The following NAV2 variants were observed in gnomAD, a reference collection of about 807,000 sequenced individuals.
NAV2 encodes neuron navigator 2.
A neutral mutation model predicts 223.2 loss-of-function variants in NAV2; 54 were observed. That is an observed-to-expected ratio of 0.24 (90% CI 0.19 to 0.30). The LOEUF is 0.30. NAV2 is among the 10% of genes least tolerant of loss of function. The probability of loss-of-function intolerance (pLI) is 1.00; values close to 1 mark genes in which losing one functional copy is unlikely to be tolerated. For synonymous variants in NAV2, 1,279 were observed against 1,239.3 expected (o/e 1.03, Z -0.67); for missense variants, 2,806 against 3,147.5 (o/e 0.89, Z 2.60).
intron 1 of NAV2, among the ~76,000 whole-genome samples, chr11:19,762,048 G>A (rs968241171): frequency 6.6e-5 from 10 of 152,160 alleles, no homozygotes; most frequent in Non-Finnish European, 1.5e-4. Flanking sequence ...TTCAAGACTA[G>A]CCTGGCTAAC....
intron 10 of NAV2, among the ~76,000 whole-genome samples, chr11:19,949,944 T>C (rs2047248549): frequency 6.6e-6 from 1 of 152,124 alleles, no homozygotes; most frequent in Non-Finnish European, 1.5e-5. Flanking sequence ...AGGGGAGTGA[T>C]GAGATGATGT....
chr11:20,012,495 A>G (rs992646144), intron 11 of NAV2, among the ~76,000 whole-genome samples: 4 of 151,528 alleles, frequency 2.6e-5, no homozygotes, highest in African/African-American at 9.7e-5. Context: ...GCCAACATGG[A>G]GAAAACCAAT....
At position 19,933,343 on chromosome 11, in the gene NAV2, C is replaced by A. The variant is rs200603596; in HGVS notation, c.1099C>A (p.His367Asn). The A allele has an allele frequency of 9.2e-5, 148 of 1,610,474 alleles. No homozygotes were observed. The East Asian group carries it at 3.3e-3, about 35-fold the overall frequency. ...GCGCAGCAAATCCCTCAGCGTGAAG[C>A]ACAGTGCCACGGTATCCATGCTCTC... is the stretch of plus-strand genomic sequence containing the variant. ...PWRSKSLSVK[H>N]SATVSMLSVK... is the part of the protein sequence containing the mutation. Residue 367 changes from histidine to asparagine, a missense_variant, in exon 7 of 38, where the codon CAC becomes AAC. Physicochemically the swap from His to Asn is moderately conservative, Grantham distance 68 (BLOSUM62 1). Around this residue, in one of 4 missense-constraint regions of NAV2, gnomAD observed 1,167 missense variants for 1,180.5 expected, o/e 0.99. Coordinates refer to ENST00000349880, the MANE Select transcript of NAV2 (RefSeq NM_145117.5). This position sits in a 1 kb window ranked among gnomAD's most constrained non-coding sequence, Gnocchi z 4.3.
chr11:19,604,482 C>T (rs1470698656), intron 1 of NAV2, among the ~76,000 whole-genome samples: 4 of 152,084 alleles, frequency 2.6e-5, no homozygotes, highest in African/African-American at 7.2e-5. Flanking sequence ...GGTTGGGGAA[C>T]TGCAAGAGGA....
intron 1 of NAV2, among the ~76,000 whole-genome samples, chr11:19,491,006 A>G (rs929846531): frequency 6.6e-6 from 1 of 152,194 alleles, no homozygotes; most frequent in African/African-American, 2.4e-5. Flanking sequence ...TCAATGAGCA[A>G]TAATATCTCG....
intron 1 of NAV2, among the ~76,000 whole-genome samples, chr11:19,462,583 C>T (rs762200695): frequency 5.3e-5 from 8 of 152,202 alleles, no homozygotes; most frequent in African/African-American, 9.7e-5. Context: ...TATTTCATCT[C>T]CAAGTCATAT....
At chr11:19,510,348 G>A (rs565724371) in intron 1 of NAV2, among the ~76,000 whole-genome samples, 1 of 152,304 alleles carries the variant, frequency 6.6e-6, no homozygotes, top group East Asian at 1.9e-4. Flanking sequence ...TGTGGATGCT[G>A]TCCTGAAACC....
At chr11:19,863,760 C>G (rs755355136) in intron 3 of NAV2, among the ~76,000 whole-genome samples, 6 of 152,128 alleles carry the variant, frequency 3.9e-5, no homozygotes, top group Non-Finnish European at 7.3e-5. Context: ...CTTATTTGTG[C>G]TTTCTTTATT....
At chr11:19,434,197 A>G (rs1851133121) in intron 1 of NAV2, among the ~76,000 whole-genome samples, 1 of 152,250 alleles carries the variant, frequency 6.6e-6, no homozygotes, top group Non-Finnish European at 1.5e-5. Context: ...ATGTGTCTCA[A>G]GAGATGGATA....
rs1313376048 is a variant in NAV2, at chr11:19,679,360, G to A, written c.76-153124G>A. Reference sequence around the variant, plus strand: ...GCAGGAGAATCACTTGAACCTGGGAGACGGAGGTTGCAGTGAACCGAGATT... The same window carrying A: ...GCAGGAGAATCACTTGAACCTGGGAAACGGAGGTTGCAGTGAACCGAGATT... On this transcript the variant is annotated intron_variant, in intron 1 of 37. Transcript: ENST00000360655. Among the ~76,000 whole-genome samples the A allele has an allele frequency of 2.8e-5, 4 of 143,542 alleles. No individual in the cohort carries two copies. In the Admixed American group the frequency reaches 3.3e-4, roughly 12 times the overall value. 94.2% of individuals were successfully genotyped at this position (143,542 alleles called of 152,430 possible). A position where few individuals can be genotyped will look rare whatever the true frequency, so the allele number is the denominator to read the frequency against.
At chr11:19,816,874 G>T (rs116531907) in intron 1 of NAV2, among the ~76,000 whole-genome samples, 2 of 151,996 alleles carry the variant, frequency 1.3e-5, no homozygotes, top group African/African-American at 2.4e-5. Context: ...CCCTCTTCAG[G>T]TGAAACCAGA....
intron 1 of NAV2, among the ~76,000 whole-genome samples, chr11:19,414,168 G>T (rs1245203839): frequency 6.6e-6 from 1 of 152,152 alleles, no homozygotes; most frequent in African/African-American, 2.4e-5. Context: ...GTATTCAGGA[G>T]ACCCATCTCA....
At chr11:19,693,345 AAAC>A (rs770221789) in intron 1 of NAV2, among the ~76,000 whole-genome samples, 3 of 152,216 alleles carry the variant, frequency 2.0e-5, no homozygotes, top group Non-Finnish European at 4.4e-5. Flanking sequence ...GAGGAAATAC[AAAC>A]AACAATTTTC....
At chr11:19,558,665 A>G (rs2044987808) in intron 1 of NAV2, among the ~76,000 whole-genome samples, 1 of 152,202 alleles carries the variant, frequency 6.6e-6, no homozygotes, top group Non-Finnish European at 1.5e-5. Flanking sequence ...TTTTCACTTA[A>G]CACCCTCCCT....
intron 1 of NAV2, among the ~76,000 whole-genome samples, chr11:19,603,117 A>G (rs759426525): frequency 1.3e-5 from 2 of 152,204 alleles, no homozygotes; most frequent in Non-Finnish European, 2.9e-5. Flanking sequence ...AAGGACTTCC[A>G]TGTCACGTAG....
intron 3 of NAV2, among the ~76,000 whole-genome samples, chr11:19,867,517 A>G (rs1050246425): frequency 2.0e-5 from 3 of 152,266 alleles, no homozygotes; most frequent in Non-Finnish European, 4.4e-5. Context: ...CTCCATGTGT[A>G]TAAGAAAGGA....
intron 32 of NAV2, among the ~76,000 whole-genome samples, chr11:20,102,723 C>A (rs2061726858): frequency 2.0e-5 from 3 of 152,094 alleles, no homozygotes; most frequent in African/African-American, 7.2e-5. Context: ...CATCCCTTAC[C>A]CCAGGCATGC....
At chr11:19,969,669 G>A (rs1287961128) in intron 10 of NAV2, among the ~76,000 whole-genome samples, 1 of 152,062 alleles carries the variant, frequency 6.6e-6, no homozygotes, top group African/African-American at 2.4e-5. Context: ...TTGGCTGGGC[G>A]CAGTGGCTCA....
chr11:19,757,468 T>C (rs867799264), intron 1 of NAV2, among the ~76,000 whole-genome samples: 3 of 152,180 alleles, frequency 2.0e-5, no homozygotes, highest in Non-Finnish European at 2.9e-5. Context: ...ATTTCTGAAT[T>C]AAAGGCTTTT....
Sources: allele counts gnomAD v4.1 joint callset (sites outside exome capture counted in the v4.1 genomes callset), GRCh38; gene constraint gnomAD v4.1.1; regional missense constraint gnomAD v4.1.1; non-coding constraint Gnocchi (gnomAD v3.1); transcripts MANE v1.5; gene names NCBI Gene and HGNC (gene_info 2026-07-23, HGNC 2026-07-21).